TCF12: variants seen among roughly 807,000 people sequenced by gnomAD.
TCF12 encodes DNA-binding protein HTF4.
Under a neutral mutation model 86.0 loss-of-function variants are expected in TCF12, and 45 were observed. The ratio of observed to expected loss-of-function variants is 0.52; its 90% CI spans 0.41 to 0.67. The LOEUF is 0.67. TCF12 is among the 30% of genes least tolerant of loss of function. The pLI is 0.00. For synonymous variants in TCF12, 330 were observed against 299.6 expected, an observed-to-expected ratio of 1.10 and a Z score of -1.05; for missense variants, 881 against 859.9, an observed-to-expected ratio of 1.02 and a Z score of -0.31.
At chr15:57,167,686 A>C (rs1376789027) in intron 6 of TCF12, among the ~76,000 whole-genome samples, 3 of 152,160 alleles carry the variant, frequency 2.0e-5, no homozygotes, top group African/African-American at 7.2e-5. Flanking sequence ...CCTTAATGGC[A>C]AATAGGCATG....
chr15:57,011,451 G>T (rs1420558649), intron 3 of TCF12, among the ~76,000 whole-genome samples: 2 of 151,944 alleles, frequency 1.3e-5, no homozygotes, highest in African/African-American at 4.8e-5. Flanking sequence ...CTAGGTCTTT[G>T]CTTCTACAGC....
chr15:57,045,169 G>A (rs1170126855), intron 3 of TCF12, among the ~76,000 whole-genome samples: 2 of 152,184 alleles, frequency 1.3e-5, no homozygotes, highest in Non-Finnish European at 2.9e-5. Context: ...TGTGAGATGT[G>A]TTCCAGACAC....
intron 6 of TCF12, among the ~76,000 whole-genome samples, chr15:57,166,817 C>G (rs1210167712): frequency 1.3e-5 from 2 of 152,146 alleles, no homozygotes; most frequent in African/African-American, 4.8e-5. Flanking sequence ...CTTAAATATC[C>G]TGTAATGTCA....
chr15:57,247,662 C>T, intron 13 of TCF12: 3 of 766,770 alleles, frequency 3.9e-6, no homozygotes, highest in Non-Finnish European at 7.0e-6. Context: ...ATACCACCAA[C>T]AAAAATTTTC....
At chr15:57,264,677 C>CA (rs1470303035) in intron 18 of TCF12, among the ~76,000 whole-genome samples, 1 of 152,154 alleles carries the variant, frequency 6.6e-6, no homozygotes, top group Non-Finnish European at 1.5e-5. Flanking sequence ...TGAATGTCTT[C>CA]ACAGGCAGTA....
chr15:56,955,411 G>T (rs2061466385), intron 3 of TCF12, among the ~76,000 whole-genome samples: 2 of 152,058 alleles, frequency 1.3e-5, no homozygotes, highest in Non-Finnish European at 2.9e-5. Context: ...GTAGGGTGGG[G>T]GGCTGGGGGA....
intron 3 of TCF12, among the ~76,000 whole-genome samples, chr15:56,935,347 CATGG>C (rs2060422685): frequency 6.6e-6 from 1 of 152,192 alleles, no homozygotes; most frequent in Non-Finnish European, 1.5e-5. Flanking sequence ...AGGGTGCCAG[CATGG>C]TCACCTTCTG....
intron 5 of TCF12, among the ~76,000 whole-genome samples, chr15:57,118,010 G>C (rs913764081): frequency 5.3e-5 from 8 of 152,062 alleles, no homozygotes; most frequent in Non-Finnish European, 1.2e-4. Flanking sequence ...TGTTCTATCA[G>C]TTCTTGCATT....
At chr15:57,129,140 A>G (rs2051909534) in intron 5 of TCF12, among the ~76,000 whole-genome samples, 1 of 152,212 alleles carries the variant, frequency 6.6e-6, no homozygotes, top group Non-Finnish European at 1.5e-5. Context: ...CCATTTTACA[A>G]TCCCATCAGC....
At chr15:57,264,194 G>GTTTTTTTTTTTTTTTTTTTT (rs1567013145) in intron 18 of TCF12, among the ~76,000 whole-genome samples, 1 of 15,458 alleles carries the variant, frequency 6.5e-5, no homozygotes, top group African/African-American at 1.9e-4. Context: ...TCTTTTGTAA[G>GTTTTTTTTTTTTTTTTTTTT]CTTTTTTTTT....
At chr15:56,956,145 A>C (rs1364634824) in intron 3 of TCF12, among the ~76,000 whole-genome samples, 2 of 151,876 alleles carry the variant, frequency 1.3e-5, no homozygotes, top group Non-Finnish European at 2.9e-5. Context: ...TTTTACCAGC[A>C]TATAATTGGG....
intron 7 of TCF12, 93 bp downstream of exon 7, chr15:57,192,386 T>C (rs1246567380): frequency 1.4e-6 from 2 of 1,474,970 alleles, no homozygotes; most frequent in East Asian, 2.3e-5. Context: ...TTTTTTTTTT[T>C]TTCTTTCCGT....
At chr15:57,179,290 G>T (rs1242146316) in intron 6 of TCF12, among the ~76,000 whole-genome samples, 1 of 152,142 alleles carries the variant, frequency 6.6e-6, no homozygotes, top group Admixed American at 6.5e-5. Flanking sequence ...TGCAAGACCA[G>T]CCTGGCCAGC....
In TCF12 at chr15:57,037,228, C is replaced by G. The variant is rs574612110; in HGVS notation, c.149-26522C>G. On this transcript the variant is annotated intron_variant, in intron 3 of 20. Transcript: ENST00000333725. ...CTTTGGGAGGCCAAGGCGAGCGGAT[C>G]ACCTGAGGTCAGGAGTTCGAGATTA... is the stretch of plus-strand genomic sequence containing the variant. Among the ~76,000 whole-genome samples the G allele has an allele frequency of 2.0e-5, 3 of 152,246 alleles. No homozygotes were observed. In the South Asian group the frequency reaches 6.2e-4, roughly 32 times the overall value.
intron 19 of TCF12, chr15:57,278,697 T>TCTCCCTCCCTCCCTCC (rs2061518694): frequency 5.9e-5 from 7 of 118,660 alleles, no homozygotes; most frequent in East Asian, 2.3e-4. Flanking sequence ...CCTCTCCCTC[T>TCTCCCTCCCTCCCTCC]CTCTCCCTCC....
chr15:57,220,162 A>G (rs1289704549), intron 8 of TCF12, among the ~76,000 whole-genome samples: 1 of 152,190 alleles, frequency 6.6e-6, no homozygotes, highest in African/African-American at 2.4e-5. Flanking sequence ...TATTAGCCTG[A>G]TATCTTTACT....
chr15:57,194,189 T>A (rs1209840907), intron 7 of TCF12, among the ~76,000 whole-genome samples: 1 of 140,694 alleles, frequency 7.1e-6, no homozygotes. Flanking sequence ...AGGTTTTCTA[T>A]AAATTAAAAC....
At chr15:57,104,432 T>A (rs942790791) in intron 5 of TCF12, among the ~76,000 whole-genome samples, 1 of 81,908 alleles carries the variant, frequency 1.2e-5, no homozygotes, top group Non-Finnish European at 2.6e-5. Flanking sequence ...AAATTTTTTT[T>A]TTCTTTTTTT....
chr15:57,029,866 A>G (rs1427018913), intron 3 of TCF12, among the ~76,000 whole-genome samples: 1 of 152,212 alleles, frequency 6.6e-6, no homozygotes, highest in Non-Finnish European at 1.5e-5. Flanking sequence ...TCTTTCACTA[A>G]GCATAATTAC....
Sources: allele counts gnomAD v4.1 joint callset (sites outside exome capture counted in the v4.1 genomes callset), GRCh38; gene constraint gnomAD v4.1.1; transcripts MANE v1.5; gene names NCBI Gene and HGNC (gene_info 2026-07-23, HGNC 2026-07-21).